The following SLIT3 variants were observed in gnomAD, a reference collection of about 807,000 sequenced individuals.
SLIT3 encodes slit guidance ligand 3, also known as slit homolog 3 protein.
In SLIT3, 68 loss-of-function variants were observed where a neutral mutation model predicts 184.0. The ratio of observed to expected loss-of-function variants is 0.37; its 90% CI spans 0.30 to 0.45. SLIT3 has a LOEUF of 0.45. Among genes scored for constraint, SLIT3 ranks in the 20% least tolerant of loss-of-function variants. The pLI, the probability that SLIT3 is intolerant of heterozygous loss-of-function variation, is 1.00. For synonymous variants in SLIT3, 831 were observed against 828.6 expected, an observed-to-expected ratio of 1.00 and a Z score of -0.05; for missense variants, 1,707 against 2,026.0, an observed-to-expected ratio of 0.84 and a Z score of 3.02.
rs1202930836 is a variant in SLIT3 at position 168,841,001 on chromosome 5, C to T, written c.557+3583G>A. Among the ~76,000 whole-genome samples, 5 of 152,194 alleles carry T rather than the reference C, an allele frequency of 3.3e-5. No homozygotes were observed. The East Asian group carries it at 9.6e-4, about 29-fold the overall frequency. On this transcript the variant is annotated intron_variant, in intron 6 of 35. Coordinates refer to ENST00000519560, the MANE Select transcript of SLIT3 (RefSeq NM_003062.4). ...TAACTGGGTAAAGGGAATGGCAGGG[C>T]CAATTTCACAAGCCTGTGAAAGGCT...
intron 5 of SLIT3, among the ~76,000 whole-genome samples, chr5:168,851,284 C>T (rs1758668229): frequency 1.4e-5 from 2 of 147,962 alleles, no homozygotes; most frequent in African/African-American, 5.0e-5. Context: ...GATCGCACAA[C>T]TGCACTCGAG....
chr5:168,876,980 C>A (rs1043161925), intron 5 of SLIT3, among the ~76,000 whole-genome samples: 3 of 152,146 alleles, frequency 2.0e-5, no homozygotes, highest in African/African-American at 7.2e-5. Context: ...GGGCCATCGG[C>A]AAACACCTGT....
chr5:168,913,151 G>A (rs542490069), intron 4 of SLIT3, among the ~76,000 whole-genome samples: 68 of 152,140 alleles, frequency 4.5e-4, no homozygotes, highest in Non-Finnish European at 7.2e-4. Context: ...AACTTACTAG[G>A]TTGGTGCAAA....
At chr5:169,157,620 C>T (rs1444544435) in intron 4 of SLIT3, among the ~76,000 whole-genome samples, 1 of 152,134 alleles carries the variant, frequency 6.6e-6, no homozygotes, top group Admixed American at 6.5e-5. Flanking sequence ...GATCCAGAGT[C>T]GCACAACATA....
At chr5:168,861,379 T>C (rs1759100769) in intron 5 of SLIT3, among the ~76,000 whole-genome samples, 1 of 151,798 alleles carries the variant, frequency 6.6e-6, no homozygotes, top group South Asian at 2.1e-4. Context: ...CTGAATTCCA[T>C]GCGTGTCCGT....
chr5:169,047,654 C>G (rs1271693602), intron 4 of SLIT3, among the ~76,000 whole-genome samples: 4 of 152,108 alleles, frequency 2.6e-5, no homozygotes, highest in Non-Finnish European at 2.9e-5. Context: ...TGACCAAACT[C>G]CCCCGACTAC....
chr5:168,855,150 C>CTT (rs1758818571), intron 5 of SLIT3, among the ~76,000 whole-genome samples: 1 of 152,128 alleles, frequency 6.6e-6, no homozygotes, highest in African/African-American at 2.4e-5. Flanking sequence ...CAGTAAAAAG[C>CTT]CCTAGGATCA....
intron 4 of SLIT3, among the ~76,000 whole-genome samples, chr5:168,946,058 G>T (rs75064544): frequency 0.023 from 3,544 of 152,330 alleles, 51 homozygotes; most frequent in Middle Eastern, 0.037. Context: ...ACAATGCTAG[G>T]GGGGAGTCAC....
chr5:169,048,293 A>G (rs994491583), intron 4 of SLIT3, among the ~76,000 whole-genome samples: 8 of 152,360 alleles, frequency 5.3e-5, no homozygotes, highest in African/African-American at 7.2e-5. Context: ...ACATAGAGCT[A>G]TAATATCTGA....
intron 4 of SLIT3, among the ~76,000 whole-genome samples, chr5:169,073,344 T>C (rs1223811590): frequency 6.6e-6 from 1 of 152,174 alleles, no homozygotes; most frequent in Non-Finnish European, 1.5e-5. Flanking sequence ...AATCACACCA[T>C]GCTGCACAAG....
At chr5:169,174,357 C>A (rs948546791) in intron 4 of SLIT3, among the ~76,000 whole-genome samples, 4 of 152,204 alleles carry the variant, frequency 2.6e-5, no homozygotes, top group African/African-American at 9.6e-5. Context: ...GCGATAATTC[C>A]TAGAGTTTCT....
Position 168,947,875 on chromosome 5 carries a change from C to T in SLIT3, c.414-64539G>A, listed in dbSNP as rs114973973. On this transcript the variant is annotated intron_variant, in intron 4 of 35. Coordinates refer to ENST00000519560, the MANE Select transcript of SLIT3 (RefSeq NM_003062.4). ...AATCTCGATCTTGGCTCACTGCAAC[C>T]TCTGTCTCCTGGGTTCAAAACTCTC... Among the ~76,000 whole-genome samples the T allele has an allele frequency of 4.9e-3, 742 of 152,208 alleles. 6 individuals carry two copies. Among genetic ancestry groups the T allele is most frequent in the African/African-American group, 0.017 (704 of 41,504 alleles).
chr5:168,789,589 G>A lies in SLIT3; in HGVS notation c.1050C>T (p.Ala350=). The A allele has an allele frequency of 2.5e-6, 4 of 1,613,724 alleles. No homozygotes were observed. The highest frequency in any genetic ancestry group is 1.1e-5 in the South Asian group (1 of 90,904). Residue 350 remains alanine (A), a synonymous_variant, in exon 11 of 36, where the codon GCC becomes GCT. Coordinates refer to ENST00000519560, the MANE Select transcript of SLIT3 (RefSeq NM_003062.4). ...KNQISDIAPD[A]FQGLKSLTSL... ...ATGTGAGTGATTTCAGGCCCTGGAA[G>A]GCATCTGGAGCAATATCCGATATCT...
At chr5:168,748,477 C>T in intron 19 of SLIT3, 43 bp from the exon 20 acceptor site, 3 of 1,497,346 alleles carry the variant, frequency 2.0e-6, no homozygotes, top group African/African-American at 1.5e-5. Flanking sequence ...GGGAGATAAG[C>T]CCCACTAGGG....
At chr5:169,123,840 G>A in intron 4 of SLIT3, among the ~76,000 whole-genome samples, 1 of 152,172 alleles carries the variant, frequency 6.6e-6, no homozygotes, top group Non-Finnish European at 1.5e-5. Flanking sequence ...GGATGTTCCA[G>A]GCAATTTGCT....
chr5:168,754,936 G>A (rs935740466), intron 16 of SLIT3, among the ~76,000 whole-genome samples: 1 of 152,144 alleles, frequency 6.6e-6, no homozygotes, highest in Non-Finnish European at 1.5e-5. Context: ...AAAATATAAA[G>A]CATGCTCCCC....
intron 17 of SLIT3, 118 bp from the exon 18 acceptor site, chr5:168,753,216 TC>T: frequency 9.5e-7 from 1 of 1,057,432 alleles, no homozygotes; most frequent in Non-Finnish European, 1.4e-6. Context: ...CTAAGCTCAG[TC>T]CAGCCATGTT....
chr5:168,947,545 C>G (rs1762520312), intron 4 of SLIT3, among the ~76,000 whole-genome samples: 1 of 152,298 alleles, frequency 6.6e-6, no homozygotes, highest in East Asian at 1.9e-4. Flanking sequence ...TTGAGGATTT[C>G]TGCCCCACAG....
chr5:169,048,068 A>G (rs1757687530), intron 4 of SLIT3, among the ~76,000 whole-genome samples: 1 of 152,188 alleles, frequency 6.6e-6, no homozygotes, highest in African/African-American at 2.4e-5. Context: ...AAGATCCACT[A>G]ATTGCCCCCA....
Sources: gnomAD v4.1 joint callset for allele counts (sites outside exome capture counted in the v4.1 genomes callset) on GRCh38, gnomAD v4.1.1 for gene constraint, MANE v1.5 for transcripts, NCBI Gene and HGNC (gene_info 2026-07-23, HGNC 2026-07-21) for gene names.